NEDD9: variants seen among roughly 807,000 people sequenced by gnomAD.
NEDD9 encodes the protein neural precursor cell expressed, developmentally down-regulated 9.
Under a neutral mutation model 76.6 loss-of-function variants are expected in NEDD9, and 26 were observed. The observed-to-expected ratio is 0.34, with a 90% CI of 0.25 to 0.47. The LOEUF (loss-of-function observed/expected upper bound fraction) is 0.47. Ranked by LOEUF, NEDD9 falls within the 20% of genes least tolerant of loss-of-function variation. NEDD9 has a pLI of 1.00. For synonymous variants in NEDD9, 392 were observed against 414.2 expected (o/e 0.95, Z 0.65); for missense variants, 937 against 1,058.5 (o/e 0.89, Z 1.59).
chr6:11,279,740 T>C (rs1315540060), intron 3 of NEDD9, among the ~76,000 whole-genome samples: 2 of 151,890 alleles, frequency 1.3e-5, no homozygotes, highest in East Asian at 1.9e-4. Flanking sequence ...CAAGGGGAAA[T>C]TCAACAATTG....
At chr6:11,312,287 T>A (rs1761394634) in intron 2 of NEDD9, among the ~76,000 whole-genome samples, 1 of 152,144 alleles carries the variant, frequency 6.6e-6, no homozygotes, top group Admixed American at 6.6e-5. Context: ...CCACCCACAC[T>A]AGATGCTGGG....
rs781363740 is a variant in NEDD9, at chr6:11,370,129, G to A, written c.-214+12010C>T. Among the ~76,000 whole-genome samples, 7 of 152,124 alleles carry A rather than the reference G, an allele frequency of 4.6e-5. No homozygotes were observed. Among genetic ancestry groups the A allele is most frequent in the East Asian group, 1.9e-4 (1 of 5,194 alleles). ...GAGTCTTTTCCCTAAGGAACATTTC[G>A]TTTAATGATGAAATAGACACATCTC... On this transcript the variant is annotated intron_variant, in intron 1 of 3. Coordinates refer to the NEDD9 transcript ENST00000397378. This position sits in a 1 kb window ranked among gnomAD's most constrained non-coding sequence, Gnocchi z 4.2.
In NEDD9 at chr6:11,213,779, T is replaced by C; in HGVS notation, c.13-52A>G. 1 of 1,545,258 alleles carries C rather than the reference T, an allele frequency of 6.5e-7. No individual in the cohort carries two copies. On this transcript the variant is annotated intron_variant, in intron 1 of 6. Transcript: ENST00000379446. This position sits in a 1 kb window ranked among gnomAD's most constrained non-coding sequence, Gnocchi z 5.4. ...CGTGTTAGAATATTGGGTCGGTCCC[T>C]TTATCACCTAAGGCCCGTGCTCTTA... is the stretch of plus-strand genomic sequence containing the variant.
chr6:11,324,751 C>G (rs897701389), intron 2 of NEDD9, among the ~76,000 whole-genome samples: 3 of 133,758 alleles, frequency 2.2e-5, no homozygotes, highest in African/African-American at 9.0e-5. Context: ...AAGTGACTCC[C>G]AAGTGTGTTT....
chr6:11,379,159 G>A (rs1763017796), intron 1 of NEDD9, among the ~76,000 whole-genome samples: 1 of 152,222 alleles, frequency 6.6e-6, no homozygotes. Flanking sequence ...GGCACTGGGA[G>A]ATGCAGCCAT....
In NEDD9 at chr6:11,190,570, G is replaced by A. The variant is rs199667749; in HGVS notation, c.1299C>T (p.Thr433=). ...GVSSLMALVT[T]DWRCYGYMER... is the part of the protein sequence containing the mutation. ...CCATATATCCGTAACACCGCCAGTC[G>A]GTAGTGACCAGTGCCATTAGGCTGG... Residue 433 remains threonine (T), a synonymous_variant, in exon 5 of 7, where the codon ACC becomes ACT. Coordinates refer to ENST00000379446, the MANE Select transcript of NEDD9 (RefSeq NM_006403.4). This position sits in a 1 kb window ranked among gnomAD's most constrained non-coding sequence, Gnocchi z 5.8. 1.2e-4 allele frequency: 189 copies of A among 1,614,160 alleles called. 1 individual carries two copies. The East Asian group carries it at 3.6e-3, about 31-fold the overall frequency.
chr6:11,309,535 C>A (rs187658307), intron 2 of NEDD9, among the ~76,000 whole-genome samples: 118 of 152,288 alleles, frequency 7.7e-4, no homozygotes, highest in African/African-American at 2.3e-3. Context: ...GCTCACAGAA[C>A]CTTGCCTGCT....
chr6:11,255,144 A>G (rs1759979048), intron 3 of NEDD9, among the ~76,000 whole-genome samples: 1 of 152,220 alleles, frequency 6.6e-6, no homozygotes, highest in Non-Finnish European at 1.5e-5. Context: ...TCATGGAGAA[A>G]TGAGTGGATG....
intron 2 of NEDD9, among the ~76,000 whole-genome samples, chr6:11,317,993 G>C (rs2113458991): frequency 6.6e-6 from 1 of 152,364 alleles, no homozygotes; most frequent in African/African-American, 2.4e-5. Context: ...CTGAGCAAGA[G>C]AGAAATCCTC....
intron 1 of NEDD9, among the ~76,000 whole-genome samples, chr6:11,221,518 C>G (rs1264967481): frequency 6.6e-6 from 1 of 152,042 alleles, no homozygotes; most frequent in Non-Finnish European, 1.5e-5. Flanking sequence ...AAGAAGGAAC[C>G]ATTCTAACCC....
intron 1 of NEDD9, among the ~76,000 whole-genome samples, chr6:11,225,865 T>C (rs1214592648): frequency 6.6e-6 from 1 of 150,746 alleles, no homozygotes; most frequent in Non-Finnish European, 1.5e-5. Context: ...CCCAGGAATA[T>C]GTATTGGAAA....
intron 1 of NEDD9, among the ~76,000 whole-genome samples, chr6:11,351,259 A>G (rs149829720): frequency 1.3e-5 from 2 of 152,140 alleles, no homozygotes; most frequent in African/African-American, 2.4e-5. Context: ...AGCTCTTTGC[A>G]TATTTAGGGA....
At chr6:11,247,585 G>C (rs1162293172) in intron 3 of NEDD9, among the ~76,000 whole-genome samples, 1 of 152,050 alleles carries the variant, frequency 6.6e-6, no homozygotes, top group Non-Finnish European at 1.5e-5. Flanking sequence ...ATGCCCATCA[G>C]CCATCACTCC....
At chr6:11,379,913 C>T (rs946611840) in intron 1 of NEDD9, among the ~76,000 whole-genome samples, 2 of 152,296 alleles carry the variant, frequency 1.3e-5, no homozygotes, top group Middle Eastern at 3.4e-3. Flanking sequence ...TATTTGTGTT[C>T]CACACTTCAG....
At chr6:11,366,267 G>C (rs2113562311) in intron 1 of NEDD9, among the ~76,000 whole-genome samples, 1 of 144,126 alleles carries the variant, frequency 6.9e-6, no homozygotes, top group East Asian at 2.0e-4. Context: ...GAGAGTCTGA[G>C]AAAGAAGGAA....
At chr6:11,337,388 T>C (rs1762183945) in intron 1 of NEDD9, among the ~76,000 whole-genome samples, 2 of 152,224 alleles carry the variant, frequency 1.3e-5, no homozygotes. Context: ...TAATTCACTA[T>C]CATCAAATAT....
chr6:11,312,181 C>T (rs1045990107), intron 2 of NEDD9, among the ~76,000 whole-genome samples: 1 of 152,136 alleles, frequency 6.6e-6, no homozygotes, highest in African/African-American at 2.4e-5. Context: ...TGATGCCCCT[C>T]TCCCACCCTG....
chr6:11,279,038 T>G (rs1481355405), intron 3 of NEDD9, among the ~76,000 whole-genome samples: 1 of 152,246 alleles, frequency 6.6e-6, no homozygotes, highest in South Asian at 2.1e-4. Flanking sequence ...ATACTCATTA[T>G]TCTGAGCCAG....
chr6:11,237,179 C>T (rs1759621077), upstream of NEDD9, among the ~76,000 whole-genome samples: 1 of 152,162 alleles, frequency 6.6e-6, no homozygotes, highest in South Asian at 2.1e-4. The surrounding 1 kb of genome is among the most constrained non-coding windows in gnomAD (Gnocchi z 4.9). Flanking sequence ...TGGAACACGG[C>T]CCTATTATAA....
Sources: allele counts gnomAD v4.1 joint callset (sites outside exome capture counted in the v4.1 genomes callset), GRCh38; gene constraint gnomAD v4.1.1; non-coding constraint Gnocchi (gnomAD v3.1); transcripts MANE v1.5; gene names NCBI Gene and HGNC (gene_info 2026-07-23, HGNC 2026-07-21).